Variants in CDKL5 observed in about 807,000 individuals in gnomAD.
The protein encoded by CDKL5 is cyclin dependent kinase like 5, also known as cyclin-dependent kinase-like 5.
CDKL5 carries 8 observed loss-of-function variants against 61.7 expected under a neutral mutation model. The ratio of observed to expected loss-of-function variants is 0.13; its 90% confidence interval spans 0.08 to 0.23. The LOEUF is 0.23. Among genes scored for constraint, CDKL5 ranks in the 10% least tolerant of loss-of-function variants. The probability of loss-of-function intolerance (pLI) is 1.00; values close to 1 mark genes in which losing one functional copy is unlikely to be tolerated. For synonymous variants in CDKL5, 275 were observed against 272.3 expected (o/e 1.01, Z -0.10); for missense variants, 440 against 734.5 (o/e 0.60, Z 4.63).
At chrX:18,541,677 C>G (rs148083458) in intron 3 of CDKL5, among the ~76,000 whole-genome samples, 1 of 110,633 alleles carries the variant, frequency 9.0e-6, no homozygotes, top group Non-Finnish European at 1.9e-5. Context: ...ACCACAGACG[C>G]GCCCAGCTAA....
At chrX:18,588,522 C>A in intron 9 of CDKL5, 1 of 142,987 alleles carries the variant, frequency 7.0e-6, no homozygotes, top group Non-Finnish European at 1.4e-5. Context: ...TGAGGAAAGC[C>A]CTGAAAACTT....
chrX:18,646,435 G>A (rs1927776489), intron 20 of CDKL5, among the ~76,000 whole-genome samples: 1 of 112,766 alleles, frequency 8.9e-6, no homozygotes, highest in Non-Finnish European at 1.9e-5. Flanking sequence ...GATTACAGGC[G>A]TAAGCCACTG....
rs1303774192 is a variant in CDKL5, at chrX:18,637,385, C to CAAA, written c.*8645_*8647dup. 2.5e-5 allele frequency: 1 copy of CAAA among 39,849 alleles called. No homozygotes were observed. Among genetic ancestry groups the CAAA allele is most frequent in the African/African-American group, 1.0e-4 (1 of 9,960 alleles). The allele number at this position is 39,849 out of a possible 1,213,427, so 3.3% of individuals were successfully genotyped here. A position where few individuals can be genotyped will look rare whatever the true frequency, so the allele number is the denominator to read the frequency against. On this transcript the variant is annotated 3_prime_UTR_variant, in exon 18 of 18. Transcript: ENST00000623535. The stretch of plus-strand genomic sequence containing the variant: ...CTGGCAACAGAGCGAGACTCTGTCT[C>CAAA]AAAAAAAAAAAAAAAAAAATACAAA...
At chrX:18,643,488 C>T (rs1057341205), downstream of CDKL5, among the ~76,000 whole-genome samples, 7 of 112,399 alleles carry the variant, frequency 6.2e-5, no homozygotes, top group Non-Finnish European at 1.3e-4. Context: ...GGTGAAGTGC[C>T]TCTTTGCAAA....
At chrX:18,584,753 G>A (rs1925589418) in intron 8 of CDKL5, among the ~76,000 whole-genome samples, 1 of 111,698 alleles carries the variant, frequency 9.0e-6, no homozygotes, top group Non-Finnish European at 1.9e-5. Flanking sequence ...AGAATTCTGT[G>A]CTATTAAGAG....
chrX:18,648,207 A>G (rs1325398578), intron 20 of CDKL5, among the ~76,000 whole-genome samples: 1 of 109,737 alleles, frequency 9.1e-6, no homozygotes, highest in African/African-American at 3.3e-5. Flanking sequence ...GAGGCTGCCA[A>G]TTTTCAACCC....
chrX:18,610,618 G>A (rs1926519531), intron 14 of CDKL5, among the ~76,000 whole-genome samples: 1 of 112,740 alleles, frequency 8.9e-6, no homozygotes. Flanking sequence ...TACTTGCACG[G>A]GCTAAAATGT....
At position 18,635,049 on chromosome X, in the gene CDKL5, A is replaced by G. The variant is rs1369154078; in HGVS notation, c.*6292A>G. On this transcript the variant is annotated 3_prime_UTR_variant, in exon 18 of 18. Coordinates refer to ENST00000623535, the MANE Select transcript of CDKL5 (RefSeq NM_001323289.2). ...TATAAAGTGTAATTCCATACTTTTT[A>G]CTGTGGCAAGGGTGTGATGTGATTG... The G allele has an allele frequency of 1.3e-6, 1 of 746,424 alleles. No individual in the cohort carries two copies. Among genetic ancestry groups the G allele is most frequent in the Non-Finnish European group, 1.6e-6 (1 of 636,073 alleles). 61.5% of individuals were successfully genotyped at this position (746,424 alleles called of 1,213,427 possible). A position where few individuals can be genotyped will look rare whatever the true frequency, so the allele number is the denominator to read the frequency against.
chrX:18,639,002 G>A lies in CDKL5; in HGVS notation c.*10245G>A, dbSNP rs749526594. 5.4e-5 allele frequency among the ~76,000 whole-genome samples: 6 copies of A among 111,792 alleles called. No homozygotes were observed. Among genetic ancestry groups the A allele is most frequent in the Non-Finnish European group, 1.1e-4 (6 of 53,180 alleles). ...GGATATCCACATGCAAAAGAATGACGTTGGACTCCTATTTCACACCATATA... is the reference window on the plus strand; with the variant it reads ...GGATATCCACATGCAAAAGAATGACATTGGACTCCTATTTCACACCATATA... On this transcript the variant is annotated 3_prime_UTR_variant, in exon 18 of 18. Transcript: ENST00000623535.
chrX:18,469,412 G>T (rs1416549442), intron 1 of CDKL5, among the ~76,000 whole-genome samples: 1 of 106,684 alleles, frequency 9.4e-6, no homozygotes, highest in East Asian at 2.9e-4. Flanking sequence ...ACTTTGGGAG[G>T]CCGAGGCGGG....
chrX:18,605,031 G>A (rs374510359), intron 12 of CDKL5, among the ~76,000 whole-genome samples, 163 bp downstream of exon 12: 1 of 110,728 alleles, frequency 9.0e-6, no homozygotes, highest in Non-Finnish European at 1.9e-5. Context: ...CTGTTTTTTT[G>A]TTTTTTGTTT....
intron 10 of CDKL5, among the ~76,000 whole-genome samples, chrX:18,596,308 T>C (rs182498538): frequency 2.1e-3 from 232 of 110,115 alleles, no homozygotes; most frequent in African/African-American, 7.3e-3. Context: ...CCAGGGAACA[T>C]AGTGTACATA....
chrX:18,426,261 G>C (rs1931365289), intron 1 of CDKL5: 1 of 113,113 alleles, frequency 8.8e-6, no homozygotes, highest in African/African-American at 3.2e-5. Flanking sequence ...ACCTCCCCCG[G>C]ACAAGTTTCA....
rs781052780 is a variant in CDKL5, at chrX:18,603,969, C to G, written c.1045C>G (p.Leu349Val). 1 of 1,210,788 alleles carries G rather than the reference C, an allele frequency of 8.3e-7. No individual in the cohort carries two copies. The highest frequency in any genetic ancestry group is 1.8e-5 in the South Asian group (1 of 56,959). The change falls in exon 12 of 18, where the codon CTG becomes GTG. Residue 349 changes from leucine to valine, a missense_variant. By Grantham distance (32) the Leu-to-Val change is conservative. Around this residue, in one of 2 missense-constraint regions of CDKL5, gnomAD observed 363 missense variants for 516.3 expected, o/e 0.70. Coordinates refer to ENST00000623535, the MANE Select transcript of CDKL5 (RefSeq NM_001323289.2). Reference sequence around the variant, plus strand: ...ATCTAACAGCAAGGACATCCAGAACCTGAGTGTAGGCCTGCCCCGGGCTGA... The same window carrying G: ...ATCTAACAGCAAGGACATCCAGAACGTGAGTGTAGGCCTGCCCCGGGCTGA... ...HRSNSKDIQN[L>V]SVGLPRADEG...
chrX:18,472,691 C>T (rs186803316), intron 1 of CDKL5, among the ~76,000 whole-genome samples: 1 of 110,869 alleles, frequency 9.0e-6, no homozygotes, highest in African/African-American at 3.3e-5. Context: ...TTGCTGTTCT[C>T]TGATTCTGCG....
intron 12 of CDKL5, among the ~76,000 whole-genome samples, chrX:18,606,648 G>T (rs1438296917): frequency 8.9e-6 from 1 of 112,193 alleles, no homozygotes; most frequent in Non-Finnish European, 1.9e-5. Flanking sequence ...CAGAAAGGTT[G>T]GGAAGAAAGT....
chrX:18,438,879 A>G (rs1437972273), intron 1 of CDKL5, among the ~76,000 whole-genome samples: 2 of 110,265 alleles, frequency 1.8e-5, no homozygotes, highest in African/African-American at 6.6e-5. Flanking sequence ...TATGTATTAC[A>G]TGCTTTGCTT....
chrX:18,577,066 T>C (rs1206602409), intron 5 of CDKL5, among the ~76,000 whole-genome samples: 4 of 111,353 alleles, frequency 3.6e-5, no homozygotes, highest in African/African-American at 9.8e-5. Context: ...CTGGCTGCTT[T>C]TTATTTTTTC....
chrX:18,597,832 A>G (rs1602282223), intron 10 of CDKL5, among the ~76,000 whole-genome samples: 1 of 110,408 alleles, frequency 9.1e-6, no homozygotes, highest in South Asian at 3.8e-4. Flanking sequence ...CTGACGTCAG[A>G]TGATCCTCCT....
Sources: gnomAD v4.1 joint callset for allele counts (sites outside exome capture counted in the v4.1 genomes callset) on GRCh38, gnomAD v4.1.1 for gene constraint, gnomAD v4.1.1 regional missense constraint, MANE v1.5 for transcripts, NCBI Gene and HGNC (gene_info 2026-07-23, HGNC 2026-07-21) for gene names.